The following KLF8 variants were observed in gnomAD, a reference collection of about 807,000 sequenced individuals.
KLF8 encodes Krueppel-like factor 8.
Under a neutral mutation model 18.2 loss-of-function variants are expected in KLF8, and 10 were observed. That is an observed-to-expected ratio of 0.55 (90% CI 0.34 to 0.93). The LOEUF is 0.93. Among genes scored for constraint, KLF8 ranks in the 40% least tolerant of loss-of-function variants. The pLI, the probability that KLF8 is intolerant of heterozygous loss-of-function variation, is 0.02. For missense variants in KLF8, 264 were observed against 277.9 expected (o/e 0.95, Z 0.36); for synonymous variants, 109 against 97.3 (o/e 1.12, Z -0.71).
the KLF8 span, among the ~76,000 whole-genome samples, chrX:55,931,498 G>C: frequency 8.9e-6 from 1 of 111,820 alleles, no homozygotes; most frequent in Non-Finnish European, 1.9e-5. Flanking sequence ...GCTTTCTCCT[G>C]TGGGCATTTA....
chrX:56,235,416 ATTT>A (rs58959695), intron 1 of KLF8, among the ~76,000 whole-genome samples: 1 of 87,710 alleles, frequency 1.1e-5, no homozygotes, highest in Non-Finnish European at 2.2e-5. Flanking sequence ...ATTCTTCCTG[ATTT>A]TTTTTTTTTT....
In KLF8 at chrX:56,265,585, A is replaced by G; in HGVS notation, c.487A>G (p.Ile163Val). ...SQQILHVIHT[I>V]PSVSLPNKMG... The stretch of plus-strand genomic sequence containing the variant: ...GCAGATCTTACATGTCATTCACACT[A>G]TCCCCTCAGTCAGTCTGCCAAATAA... The change falls in exon 3 of 6, where the codon ATC becomes GTC. Residue 163 changes from isoleucine to valine, a missense_variant. Transcript: ENST00000468660. The G allele has an allele frequency of 8.3e-7, 1 of 1,211,516 alleles. No individual in the cohort carries two copies. The highest frequency in any genetic ancestry group is 2.3e-4 in the Middle Eastern group (1 of 4,355).
chrX:56,084,150 G>A, the KLF8 span, among the ~76,000 whole-genome samples: 1 of 111,660 alleles, frequency 9.0e-6, no homozygotes, highest in Non-Finnish European at 1.9e-5. Context: ...GAAGGCTGAA[G>A]TAGGAGGATC....
chrX:56,132,174 A>G, the KLF8 span, among the ~76,000 whole-genome samples: 48 of 111,856 alleles, frequency 4.3e-4, 1 homozygote, highest in East Asian at 7.9e-3. Context: ...TCCAGCAACC[A>G]TAGAATATTC....
chrX:55,990,242 G>T, the KLF8 span, among the ~76,000 whole-genome samples: 1 of 111,496 alleles, frequency 9.0e-6, no homozygotes, highest in South Asian at 3.8e-4. Context: ...CCTTCTGCTA[G>T]CTTTTGAATG....
chrX:56,102,643 T>C, the KLF8 span, among the ~76,000 whole-genome samples: 8 of 111,670 alleles, frequency 7.2e-5, no homozygotes, highest in African/African-American at 2.3e-4. Context: ...TTCAGCAGGA[T>C]TTTAAAATTC....
chrX:56,280,839 C>A (rs961165368), intron 5 of KLF8, among the ~76,000 whole-genome samples: 4 of 111,725 alleles, frequency 3.6e-5, no homozygotes, highest in Non-Finnish European at 7.5e-5. Flanking sequence ...AGGTTTTGTT[C>A]TTATATTTAT....
At chrX:56,059,602 A>T in the KLF8 span, among the ~76,000 whole-genome samples, 1 of 112,060 alleles carries the variant, frequency 8.9e-6, no homozygotes, top group East Asian at 2.8e-4. Context: ...ACCATTTATT[A>T]AATAGGGAAC....
chrX:55,990,302 A>G, the KLF8 span, among the ~76,000 whole-genome samples: 7 of 111,571 alleles, frequency 6.3e-5, no homozygotes, highest in Admixed American at 3.8e-4. Context: ...TAGGGTGTCA[A>G]TTTTAGATCT....
the KLF8 span, among the ~76,000 whole-genome samples, chrX:56,094,049 G>A: frequency 1.8e-5 from 2 of 108,209 alleles, no homozygotes; most frequent in African/African-American, 3.3e-5. Flanking sequence ...ACAAAATAGG[G>A]CAGGAAGAAC....
chrX:56,155,234 A>G, the KLF8 span, among the ~76,000 whole-genome samples: 1 of 112,116 alleles, frequency 8.9e-6, no homozygotes, highest in Non-Finnish European at 1.9e-5. Context: ...GACTGGATTA[A>G]GAAAATGTGG....
At chrX:55,950,773 C>T in the KLF8 span, among the ~76,000 whole-genome samples, 1 of 111,781 alleles carries the variant, frequency 8.9e-6, no homozygotes, top group Non-Finnish European at 1.9e-5. Context: ...TATAAATATA[C>T]TTGCCTAATC....
the KLF8 span, among the ~76,000 whole-genome samples, chrX:56,111,867 C>A: frequency 4.5e-5 from 5 of 112,043 alleles, no homozygotes; most frequent in African/African-American, 1.6e-4. Context: ...AATAGAAATG[C>A]TTTTACACTG....
the KLF8 span, among the ~76,000 whole-genome samples, chrX:56,225,702 G>A: frequency 1.8e-5 from 2 of 112,354 alleles, no homozygotes; most frequent in African/African-American, 6.5e-5. Flanking sequence ...TCAATATCCT[G>A]TGTGGTAAGT....
chrX:56,154,753 T>C, the KLF8 span, among the ~76,000 whole-genome samples: 5 of 111,189 alleles, frequency 4.5e-5, no homozygotes, highest in Admixed American at 1.9e-4. Context: ...CAAACTAATT[T>C]ACAAGACAAA....
At chrX:56,181,188 G>C in the KLF8 span, among the ~76,000 whole-genome samples, 1 of 111,768 alleles carries the variant, frequency 8.9e-6, no homozygotes, top group Non-Finnish European at 1.9e-5. Context: ...AGCTCTTCTT[G>C]TTGAATTGAT....
chrX:56,190,388 T>C, the KLF8 span, among the ~76,000 whole-genome samples: 1 of 111,598 alleles, frequency 9.0e-6, no homozygotes, highest in African/African-American at 3.3e-5. Context: ...AGCTGGAGAC[T>C]CCTGTACCCC....
chrX:55,998,807 T>C, the KLF8 span, among the ~76,000 whole-genome samples: 1 of 61,775 alleles, frequency 1.6e-5, no homozygotes, highest in Admixed American at 1.6e-4. Flanking sequence ...CTTGGTCTTT[T>C]AATTTTTTTT....
At chrX:56,048,892 A>G in the KLF8 span, among the ~76,000 whole-genome samples, 2 of 111,102 alleles carry the variant, frequency 1.8e-5, no homozygotes, top group Admixed American at 9.6e-5. Context: ...GATTCTTCCT[A>G]CCCATAAGCA....
Sources: allele counts gnomAD v4.1 joint callset (sites outside exome capture counted in the v4.1 genomes callset), GRCh38; gene constraint gnomAD v4.1.1; transcripts MANE v1.5; gene names NCBI Gene and HGNC (gene_info 2026-07-23, HGNC 2026-07-21).